Variants in SPMIP6 observed in about 807,000 individuals in gnomAD.
SPMIP6 encodes the protein ciliated bronchial epithelial protein 1.
chr9:34,396,689 G>T, the SPMIP6 span, among the ~76,000 whole-genome samples: 1 of 152,096 alleles, frequency 6.6e-6, no homozygotes, highest in African/African-American at 2.4e-5. Context: ...TCTGCTGGAA[G>T]CCTCCTCCTC....
At chr9:34,380,922 A>T in the SPMIP6 span, 6 of 1,595,152 alleles carry the variant, frequency 3.8e-6, no homozygotes, top group Non-Finnish European at 5.1e-6. Flanking sequence ...TCCCGGCACC[A>T]AGGCCGCAGG....
At chr9:34,389,492 T>A in the SPMIP6 span, among the ~76,000 whole-genome samples, 1 of 152,240 alleles carries the variant, frequency 6.6e-6, no homozygotes, top group African/African-American at 2.4e-5. Context: ...AAAAATCCTT[T>A]TGGGATTTTA....
At chr9:34,391,791 C>T in the SPMIP6 span, among the ~76,000 whole-genome samples, 1 of 152,096 alleles carries the variant, frequency 6.6e-6, no homozygotes, top group Admixed American at 6.6e-5. Flanking sequence ...ACTTGGTCCA[C>T]TTTTATCATG....
chr9:34,385,756 T>C, the SPMIP6 span: 2 of 1,613,522 alleles, frequency 1.2e-6, no homozygotes, highest in Non-Finnish European at 1.7e-6. Context: ...GGGATCCACA[T>C]GTCGCTCCAT....
chr9:34,395,564 A>T, the SPMIP6 span, among the ~76,000 whole-genome samples: 4 of 151,664 alleles, frequency 2.6e-5, no homozygotes, highest in Admixed American at 6.6e-5. Flanking sequence ...TGGCAATTTC[A>T]TCTCTTCCTA....
chr9:34,381,064 G>C, the SPMIP6 span: 1 of 1,611,890 alleles, frequency 6.2e-7, no homozygotes, highest in East Asian at 2.2e-5. The surrounding 1 kb of genome is among the most constrained non-coding windows in gnomAD (Gnocchi z 4.4). Flanking sequence ...ACCCGCATCG[G>C]GGCGTGATCC....
the SPMIP6 span, among the ~76,000 whole-genome samples, chr9:34,392,749 C>A: frequency 6.6e-6 from 1 of 152,162 alleles, no homozygotes; most frequent in African/African-American, 2.4e-5. The surrounding 1 kb of genome is among the most constrained non-coding windows in gnomAD (Gnocchi z 4.6). Flanking sequence ...CAAACTGGAA[C>A]TCATGAGGAG....
At chr9:34,380,619 C>T in the SPMIP6 span, 5 of 1,491,790 alleles carry the variant, frequency 3.4e-6, 1 homozygote, top group South Asian at 6.7e-5. Context: ...ACGGGACCTC[C>T]AGAGCATATA....
At chr9:34,397,748 C>T in the SPMIP6 span, 3 of 1,066,948 alleles carry the variant, frequency 2.8e-6, no homozygotes, top group South Asian at 3.1e-5. Flanking sequence ...GTGCCCTTAG[C>T]TGCTATAATC....
At chr9:34,379,678 G>C in the SPMIP6 span, 2 of 1,614,182 alleles carry the variant, frequency 1.2e-6, no homozygotes, top group Non-Finnish European at 1.7e-6. The surrounding 1 kb of genome is among the most constrained non-coding windows in gnomAD (Gnocchi z 4.2). Context: ...ATGACGGCGG[G>C]GGAGTTGTAA....
chr9:34,380,782 G>A, the SPMIP6 span: 11 of 1,544,866 alleles, frequency 7.1e-6, no homozygotes, highest in Non-Finnish European at 9.6e-6. Context: ...TGCAGCGCGG[G>A]GCTAGAGCAG....
At chr9:34,382,605 C>G in the SPMIP6 span, 1 of 592,612 alleles carries the variant, frequency 1.7e-6, no homozygotes, top group Admixed American at 2.8e-5. Context: ...AAAATACAAA[C>G]TCTAGTTTCA....
At chr9:34,380,593 C>T in the SPMIP6 span, 2 of 1,436,096 alleles carry the variant, frequency 1.4e-6, no homozygotes, top group Middle Eastern at 4.1e-4. Flanking sequence ...GGGGTTTCTT[C>T]CTCAAAAACC....
At chr9:34,381,865 G>T in the SPMIP6 span, 7 of 838,054 alleles carry the variant, frequency 8.4e-6, no homozygotes, top group Non-Finnish European at 1.0e-5. This position sits in a 1 kb window ranked among gnomAD's most constrained non-coding sequence, Gnocchi z 4.4. Context: ...TCAACCCAGG[G>T]TCAGCCATCA....
the SPMIP6 span, chr9:34,382,740 G>C: frequency 7.6e-6 from 12 of 1,577,062 alleles, no homozygotes; most frequent in Admixed American, 2.0e-4. Context: ...GTCTGTGCTG[G>C]GTGCAACAGA....
chr9:34,380,400 C>T, the SPMIP6 span, among the ~76,000 whole-genome samples: 1 of 152,182 alleles, frequency 6.6e-6, no homozygotes, highest in African/African-American at 2.4e-5. Flanking sequence ...CACCATTTCC[C>T]GGCTCACGTA....
chr9:34,391,335 G>C, the SPMIP6 span, among the ~76,000 whole-genome samples: 1 of 151,952 alleles, frequency 6.6e-6, no homozygotes, highest in Non-Finnish European at 1.5e-5. Context: ...TATTTTATGA[G>C]CCTCATCAAA....
At chr9:34,397,794 A>C in the SPMIP6 span, 1 of 689,692 alleles carries the variant, frequency 1.4e-6, no homozygotes, top group Non-Finnish European at 2.4e-6. Flanking sequence ...TCCTTCCCCA[A>C]CAGCCTTCCT....
At chr9:34,382,885 G>C in the SPMIP6 span, 1 of 1,498,996 alleles carries the variant, frequency 6.7e-7, no homozygotes, top group Non-Finnish European at 9.3e-7. Flanking sequence ...TAATAGGGGT[G>C]GAGATGTCAA....
Sources: gnomAD v4.1 joint callset for allele counts (sites outside exome capture counted in the v4.1 genomes callset) on GRCh38, gnomAD v4.1.1 for gene constraint, Gnocchi (gnomAD v3.1) non-coding constraint, MANE v1.5 for transcripts, NCBI Gene and HGNC (gene_info 2026-07-23, HGNC 2026-07-21) for gene names.